Variants in TRPV3 observed in about 807,000 individuals in gnomAD.
TRPV3 encodes transient receptor potential cation channel subfamily V member 3, also known as VRL-3.
In TRPV3, 88 loss-of-function variants were observed where a neutral mutation model predicts 87.1. The ratio of observed to expected loss-of-function variants is 1.01; its 90% confidence interval spans 0.85 to 1.21. The LOEUF is 1.21. TRPV3 is among the 50% of genes most tolerant of loss of function. The pLI, the probability that TRPV3 is intolerant of heterozygous loss-of-function variation, is 0.00. For missense variants in TRPV3, 1,054 were observed against 1,030.1 expected (o/e 1.02, Z -0.32); for synonymous variants, 438 against 423.3 (o/e 1.03, Z -0.43).
chr17:3,533,151 T>A lies in TRPV3; in HGVS notation c.785-214A>T. Among the ~76,000 whole-genome samples, 2 of 152,132 alleles carry A rather than the reference T, an allele frequency of 1.3e-5. 1 individual carries two copies. Among genetic ancestry groups the A allele is most frequent in the Admixed American group, 1.3e-4 (2 of 15,280 alleles). The stretch of plus-strand genomic sequence containing the variant: ...CCCTGCCTCCACCCTGGCCCTTTAA[T>A]ACTCTGCTCAGCACAGCAGCCAGAC... On this transcript the variant is annotated intron_variant, in intron 7 of 17. Coordinates refer to ENST00000576742, the MANE Select transcript of TRPV3 (RefSeq NM_145068.4).
intron 4 of TRPV3, 47 bp from the exon 5 acceptor site, chr17:3,543,675 C>A (rs2074490986): frequency 6.2e-7 from 1 of 1,605,980 alleles, no homozygotes; most frequent in South Asian, 1.1e-5. Context: ...TCCTCTCAAG[C>A]TCAATCTCTC....
chr17:3,526,440 T>C (rs1303309356), intron 12 of TRPV3, among the ~76,000 whole-genome samples: 1 of 151,866 alleles, frequency 6.6e-6, no homozygotes, highest in Non-Finnish European at 1.5e-5. Flanking sequence ...GTCACGCCAC[T>C]GCACTCCAGC....
intron 9 of TRPV3, 41 bp from the exon 10 acceptor site, chr17:3,529,036 G>C: frequency 6.2e-7 from 1 of 1,612,192 alleles, no homozygotes; most frequent in Non-Finnish European, 8.5e-7. Context: ...AGATGAGGGA[G>C]AGAGGGAGGG....
Position 3,516,186 on chromosome 17 carries a change from CA to C in TRPV3, c.2198+270del, listed in dbSNP as rs11365831. 0.96 allele frequency among the ~76,000 whole-genome samples: 145,109 copies of C among 151,310 alleles called. 69,726 individuals carry two copies. Among genetic ancestry groups the C allele is most frequent in the East Asian group, 1 (5,126 of 5,126 alleles). ...GGGCAACAAGAGCAAAATTCCGTCTCAAAAAAAAATAAAAGAAGAAAGAAAA... is the reference window on the plus strand; with the variant it reads ...GGGCAACAAGAGCAAAATTCCGTCTCAAAAAAAATAAAAGAAGAAAGAAAA... On this transcript the variant is annotated intron_variant, in intron 16 of 17. Transcript: ENST00000576742.
At position 3,528,833 on chromosome 17, in the gene TRPV3, G is replaced by A. The variant is rs367941175; in HGVS notation, c.1401+4C>T. On this transcript the variant is annotated splice_donor_region_variant and intron_variant, in intron 10 of 17. Coordinates refer to ENST00000576742, the MANE Select transcript of TRPV3 (RefSeq NM_145068.4). The surrounding 1 kb of genome is among the most constrained non-coding windows in gnomAD (Gnocchi z 4.2). ...CATTTTCCCCCTCCAAGGGGCCCAC[G>A]TACCTCCTCCTCCCGGGGGCGGTAG... is the stretch of plus-strand genomic sequence containing the variant. The A allele has an allele frequency of 1.2e-4, 191 of 1,614,082 alleles. No individual in the cohort carries two copies. In the Middle Eastern group the frequency reaches 1.3e-3, roughly 11 times the overall value.
chr17:3,555,121 C>T (rs1294704810), intron 1 of TRPV3, among the ~76,000 whole-genome samples: 1 of 152,168 alleles, frequency 6.6e-6, no homozygotes, highest in Non-Finnish European at 1.5e-5. Context: ...TGCCCCTGTC[C>T]TCTCTCATGA....
At position 3,526,939 on chromosome 17, in the gene TRPV3, A is replaced by G. The variant is rs769298407; in HGVS notation, c.1504-12T>C. The stretch of plus-strand genomic sequence containing the variant: ...AAGATGGCAATGCCCTAAGGCCAGG[A>G]AGGAAAGAAACAGTGCACCCTCTTC... On this transcript the variant is annotated splice_polypyrimidine_tract_variant and intron_variant, in intron 11 of 17. Coordinates refer to ENST00000576742, the MANE Select transcript of TRPV3 (RefSeq NM_145068.4). The G allele has an allele frequency of 6.2e-7, 1 of 1,607,488 alleles. No homozygotes were observed. Among genetic ancestry groups the G allele is most frequent in the Non-Finnish European group, 8.5e-7 (1 of 1,176,854 alleles).
chr17:3,528,093 T>A lies in TRPV3; in HGVS notation c.1435A>T (p.Met479Leu), dbSNP rs114131791. 0.014 allele frequency: 22,752 copies of A among 1,613,464 alleles called. 357 individuals are homozygous for A. Among genetic ancestry groups the A allele is most frequent in the East Asian group, 0.069 (3,117 of 44,864 alleles). ...CTCCCTAGGAGCTGCAGCCACCCCA[T>A]CTTGTGCGTCAGGGCCAAGGGGTGC... Reference protein sequence around the residue: ...IPHPLALTHKMGWLQLLGRMF... With the variant: ...IPHPLALTHKLGWLQLLGRMF... Residue 479 changes from methionine to leucine, a missense_variant, in exon 11 of 18, where the codon ATG becomes TTG. Physicochemically the swap from Met to Leu is conservative, Grantham distance 15. Coordinates refer to ENST00000576742, the MANE Select transcript of TRPV3 (RefSeq NM_145068.4). The surrounding 1 kb of genome is among the most constrained non-coding windows in gnomAD (Gnocchi z 4.2).
chr17:3,544,964 A>C (rs1294311568), intron 3 of TRPV3, among the ~76,000 whole-genome samples: 1 of 152,160 alleles, frequency 6.6e-6, no homozygotes, highest in African/African-American at 2.4e-5. Flanking sequence ...CAGTGAGCTG[A>C]GATTGGGCCA....
chr17:3,519,324 TTGGATGGA>T (rs148324359), intron 14 of TRPV3, among the ~76,000 whole-genome samples: 9 of 146,628 alleles, frequency 6.1e-5, no homozygotes, highest in African/African-American at 7.6e-5. Context: ...TGCTGAATGG[TTGGATGGA>T]TGGATGGATG....
chr17:3,532,929 G>T lies in TRPV3; in HGVS notation c.793C>A (p.Pro265Thr), dbSNP rs762584447. Residue 265 changes from proline (P) to threonine (T), a missense_variant, in exon 8 of 18, where the codon CCC (proline) becomes ACC (threonine). By Grantham distance (38) the Pro-to-Thr change is conservative. Transcript: ENST00000576742. ...TTGGTGCATGCTGCCAGGGCCAGGG[G>T]CGTCTCACCTGGGGGATGAGCGCAC... ...QHEGFYFGET[P>T]LALAACTNQP... 1.4e-5 allele frequency: 23 copies of T among 1,614,000 alleles called. No individual in the cohort carries two copies. The highest frequency in any genetic ancestry group is 6.7e-5 in the Admixed American group (4 of 60,032).
intron 6 of TRPV3, among the ~76,000 whole-genome samples, chr17:3,538,915 G>A (rs1211507090): frequency 1.3e-5 from 2 of 152,140 alleles, no homozygotes; most frequent in South Asian, 2.1e-4. Flanking sequence ...GCATGCGGTT[G>A]AACCCAGATA....
chr17:3,553,818 G>A (rs2074600742), intron 2 of TRPV3: 1 of 152,252 alleles, frequency 6.6e-6, no homozygotes, highest in African/African-American at 2.4e-5. Flanking sequence ...ACACCTCAAT[G>A]ATTATAGCTC....
In TRPV3 at chr17:3,556,240, C is replaced by T. The variant is rs527759192; in HGVS notation, c.-2-1388G>A. 4.6e-5 allele frequency among the ~76,000 whole-genome samples: 7 copies of T among 151,546 alleles called. No individual in the cohort carries two copies. The South Asian group carries it at 1.3e-3, about 27-fold the overall frequency. ...AACATAAAAAAGGAGCTATGGCTGACCCCTGGGGGCAGCTGGGAGTTGGGT... is the reference window on the plus strand; with the variant it reads ...AACATAAAAAAGGAGCTATGGCTGATCCCTGGGGGCAGCTGGGAGTTGGGT... On this transcript the variant is annotated intron_variant, in intron 1 of 17. Transcript: ENST00000576742. This position sits in a 1 kb window ranked among gnomAD's most constrained non-coding sequence, Gnocchi z 4.2.
At chr17:3,539,516 G>C (rs1468433479) in intron 6 of TRPV3, 1 of 152,110 alleles carries the variant, frequency 6.6e-6, no homozygotes, top group African/African-American at 2.4e-5. Context: ...GCTGGGCGGG[G>C]TGGCACGCAT....
chr17:3,519,083 C>T (rs541368733), intron 14 of TRPV3, among the ~76,000 whole-genome samples: 1 of 152,216 alleles, frequency 6.6e-6, no homozygotes, highest in African/African-American at 2.4e-5. Flanking sequence ...TTCCTTTACC[C>T]CGCAGTCTGC....
chr17:3,554,706 C>A (rs1215669307), intron 2 of TRPV3, 26 bp downstream of exon 2: 5 of 1,530,744 alleles, frequency 3.3e-6, no homozygotes, highest in Non-Finnish European at 4.5e-6. Context: ...GTGCCGCAGT[C>A]CGTGTCCCGA....
intron 13 of TRPV3, among the ~76,000 whole-genome samples, chr17:3,523,905 CAT>C (rs1021272087): frequency 7.1e-6 from 1 of 140,836 alleles, no homozygotes; most frequent in African/African-American, 2.8e-5. Context: ...CACACACACA[CAT>C]ACACACACAC....
At position 3,548,159 on chromosome 17, in the gene TRPV3, C is replaced by G. The variant is rs148504907; in HGVS notation, c.120-2888G>C. On this transcript the variant is annotated intron_variant, in intron 2 of 17. Transcript: ENST00000576742. ...AAGCACCTTTGCTGCCTCCTTCATT[C>G]TAAGGCCCAGAAGGGACCAACATGC... Among the ~76,000 whole-genome samples, 253 of 152,304 alleles carry G rather than the reference C, an allele frequency of 1.7e-3. 2 individuals are homozygous for G. Among genetic ancestry groups the G allele is most frequent in the Middle Eastern group, 0.014 (4 of 294 alleles).
Sources: gnomAD v4.1 joint callset for allele counts (sites outside exome capture counted in the v4.1 genomes callset) on GRCh38, gnomAD v4.1.1 for gene constraint, Gnocchi (gnomAD v3.1) non-coding constraint, MANE v1.5 for transcripts, NCBI Gene and HGNC (gene_info 2026-07-23, HGNC 2026-07-21) for gene names.